The following ADAMTS19 variants were observed in gnomAD, a reference collection of about 807,000 sequenced individuals.
ADAMTS19 encodes ADAM metallopeptidase with thrombospondin type 1 motif 19, also known as A disintegrin and metalloproteinase with thrombospondin motifs 19.
ADAMTS19 carries 93 observed loss-of-function variants against 153.3 expected under a neutral mutation model. That is an observed-to-expected ratio of 0.61 (90% CI 0.51 to 0.72). The LOEUF is 0.72. Ranked by LOEUF, ADAMTS19 falls within the 30% of genes least tolerant of loss-of-function variation. ADAMTS19 has a pLI of 0.00. For synonymous variants in ADAMTS19, 600 were observed against 556.6 expected (o/e 1.08, Z -1.10); for missense variants, 1,482 against 1,552.1 (o/e 0.95, Z 0.76).
chr5:129,588,685 G>A lies in ADAMTS19; in HGVS notation c.1373-7874G>A, dbSNP rs189809614. Among the ~76,000 whole-genome samples the A allele has an allele frequency of 5.3e-5, 8 of 151,550 alleles. No homozygotes were observed. In the East Asian group the frequency reaches 9.7e-4, roughly 18 times the overall value. On this transcript the variant is annotated intron_variant, in intron 7 of 22. Transcript: ENST00000274487. The stretch of plus-strand genomic sequence containing the variant: ...ATGCATAATAATATTTTTACCTCAA[G>A]GTATATTTTGTAAAATATTAATATT...
In ADAMTS19 at chr5:129,567,896, C is replaced by T. The variant is rs577417541; in HGVS notation, c.1372+15989C>T. Among the ~76,000 whole-genome samples, 47 of 152,092 alleles carry T rather than the reference C, an allele frequency of 3.1e-4. No individual in the cohort carries two copies. The South Asian group carries it at 4.8e-3, about 15-fold the overall frequency. ...TAATCAAACTGCTGAAAGCTAAAGA[C>T]GAACTAAAAATGACACCAAAAAACA... On this transcript the variant is annotated intron_variant, in intron 7 of 22. Coordinates refer to ENST00000274487, the MANE Select transcript of ADAMTS19 (RefSeq NM_133638.6).
chr5:129,692,508 T>C (rs1200929709), intron 18 of ADAMTS19, among the ~76,000 whole-genome samples: 1 of 152,202 alleles, frequency 6.6e-6, no homozygotes, highest in Non-Finnish European at 1.5e-5. Context: ...GCCAGAGACG[T>C]GAAAGACTGC....
At chr5:129,649,167 T>C (rs1456781739) in intron 13 of ADAMTS19, among the ~76,000 whole-genome samples, 197 bp downstream of exon 13, 1 of 152,224 alleles carries the variant, frequency 6.6e-6, no homozygotes, top group African/African-American at 2.4e-5. Context: ...TGTTACCCCA[T>C]ACCTATTAGA....
intron 8 of ADAMTS19, among the ~76,000 whole-genome samples, chr5:129,614,775 A>G (rs1169030004): frequency 6.6e-6 from 1 of 152,174 alleles, no homozygotes; most frequent in Non-Finnish European, 1.5e-5. Flanking sequence ...ATGATTGTAT[A>G]TCTAGAAAAC....
At chr5:129,543,021 G>GT (rs199524472) in intron 6 of ADAMTS19, among the ~76,000 whole-genome samples, 100 of 140,144 alleles carry the variant, frequency 7.1e-4, no homozygotes, top group East Asian at 6.2e-3. Context: ...TTTTGTTGTT[G>GT]TTTTTTTTTG....
chr5:129,603,760 A>G (rs1750771076), intron 8 of ADAMTS19, among the ~76,000 whole-genome samples: 1 of 152,202 alleles, frequency 6.6e-6, no homozygotes, highest in Non-Finnish European at 1.5e-5. Context: ...CCACCTAAAG[A>G]TGGAAGGCAA....
intron 7 of ADAMTS19, among the ~76,000 whole-genome samples, chr5:129,564,426 A>G (rs1021563468): frequency 3.3e-5 from 5 of 152,210 alleles, no homozygotes; most frequent in African/African-American, 1.2e-4. Context: ...GGGGGCTTTT[A>G]TATGGGAAGA....
At chr5:129,720,691 T>C (rs116419629) in intron 21 of ADAMTS19, among the ~76,000 whole-genome samples, 1 of 152,112 alleles carries the variant, frequency 6.6e-6, no homozygotes, top group African/African-American at 2.4e-5. Flanking sequence ...GCCCATGGAG[T>C]GCAGAAGCCA....
At chr5:129,724,656 G>A (rs557022865) in intron 21 of ADAMTS19, among the ~76,000 whole-genome samples, 1 of 152,236 alleles carries the variant, frequency 6.6e-6, no homozygotes, top group East Asian at 1.9e-4. Flanking sequence ...AGAGAAAAGA[G>A]AATAACTCTC....
Position 129,537,786 on chromosome 5 carries a change from G to A in ADAMTS19, c.1328+9109G>A, listed in dbSNP as rs1752505261. 2.0e-5 allele frequency among the ~76,000 whole-genome samples: 3 copies of A among 151,810 alleles called. No individual in the cohort carries two copies. The South Asian group carries it at 6.2e-4, about 32-fold the overall frequency. ...CACTGGGGCCTGTTGTGGGATGGGG[G>A]AAGGGGGGAGGGATAGCATTAGGAG... On this transcript the variant is annotated intron_variant, in intron 6 of 22. Coordinates refer to ENST00000274487, the MANE Select transcript of ADAMTS19 (RefSeq NM_133638.6).
chr5:129,467,917 A>G (rs1050227606), intron 2 of ADAMTS19, among the ~76,000 whole-genome samples: 2 of 152,240 alleles, frequency 1.3e-5, no homozygotes, highest in African/African-American at 4.8e-5. Flanking sequence ...ATATATATAC[A>G]TGTATACACT....
rs1751354631 is a variant in ADAMTS19, at chr5:129,509,170, C to A, written c.841C>A (p.Gln281Lys). Residue 281 changes from glutamine to lysine, a missense_variant, in exon 3 of 23, where the codon CAG becomes AAG. Transcript: ENST00000274487. ...ITGHPHRVYR[Q>K]KRSMEEKVTE... ...AGGTCACCCACACCGTGTATATAGG[C>A]AGAAAAGGTCCATGGAGGAAAAGGT... 2 of 1,612,120 alleles carry A rather than the reference C, an allele frequency of 1.2e-6. No homozygotes were observed. Among genetic ancestry groups the A allele is most frequent in the African/African-American group, 1.3e-5 (1 of 74,786 alleles).
chr5:129,733,906 G>T (rs1396685480), intron 21 of ADAMTS19, among the ~76,000 whole-genome samples: 1 of 151,274 alleles, frequency 6.6e-6, no homozygotes, highest in Non-Finnish European at 1.5e-5. Context: ...ATCAATCAAA[G>T]TGTCCACCAA....
intron 7 of ADAMTS19, among the ~76,000 whole-genome samples, chr5:129,564,847 C>T (rs768464582): frequency 6.6e-6 from 1 of 152,078 alleles, no homozygotes; most frequent in South Asian, 2.1e-4. Flanking sequence ...CTAAGAAAAT[C>T]CAATGGAGTC....
Position 129,695,189 on chromosome 5 carries a change from G to A in ADAMTS19, c.2954+334G>A, listed in dbSNP as rs1482375195. On this transcript the variant is annotated intron_variant, in intron 19 of 22. Coordinates refer to ENST00000274487, the MANE Select transcript of ADAMTS19 (RefSeq NM_133638.6). ...GTTTGCTCCTGAATTCTCCAAAACG[G>A]TGTGTTAGAATTTGCCCACAGTAAC... is the stretch of plus-strand genomic sequence containing the variant. 4.6e-5 allele frequency among the ~76,000 whole-genome samples: 7 copies of A among 152,212 alleles called. No homozygotes were observed. In the East Asian group the frequency reaches 1.4e-3, roughly 30 times the overall value.
chr5:129,585,884 CT>C (rs1482536253), intron 7 of ADAMTS19, among the ~76,000 whole-genome samples: 3 of 152,212 alleles, frequency 2.0e-5, no homozygotes, highest in Admixed American at 2.0e-4. Flanking sequence ...GTGAAGTTTC[CT>C]TTTTCTCCTG....
At chr5:129,622,380 A>T in intron 10 of ADAMTS19, 32 bp downstream of exon 10, 1 of 1,612,966 alleles carries the variant, frequency 6.2e-7, no homozygotes, top group Non-Finnish European at 8.5e-7. Flanking sequence ...TTGTGCGTTC[A>T]TTCATTGTTT....
chr5:129,477,641 C>T (rs1178382365), intron 2 of ADAMTS19, among the ~76,000 whole-genome samples: 2 of 152,146 alleles, frequency 1.3e-5, no homozygotes, highest in Admixed American at 6.5e-5. Flanking sequence ...AAAGCATTTG[C>T]CTATAGTTAG....
chr5:129,643,585 A>G (rs1263944989), intron 11 of ADAMTS19, among the ~76,000 whole-genome samples: 1 of 152,086 alleles, frequency 6.6e-6, no homozygotes, highest in Non-Finnish European at 1.5e-5. Flanking sequence ...TTCTTTAATT[A>G]GAAAAGAAAA....
Sources: gnomAD v4.1 joint callset for allele counts (sites outside exome capture counted in the v4.1 genomes callset) on GRCh38, gnomAD v4.1.1 for gene constraint, MANE v1.5 for transcripts, NCBI Gene and HGNC (gene_info 2026-07-23, HGNC 2026-07-21) for gene names.